Variants in PKHD1 observed in about 807,000 individuals in gnomAD.
PKHD1 encodes the protein PKHD1 ciliary IPT domain containing fibrocystin/polyductin.
In PKHD1, 291 loss-of-function variants were observed where a neutral mutation model predicts 412.0. The ratio of observed to expected loss-of-function variants is 0.71; its 90% confidence interval spans 0.64 to 0.78. PKHD1 has a LOEUF of 0.78. Among genes scored for constraint, PKHD1 ranks in the 30% least tolerant of loss-of-function variants. The probability of loss-of-function intolerance (pLI) is 0.00; values close to 1 mark genes in which losing one functional copy is unlikely to be tolerated. For synonymous variants in PKHD1, 1,777 were observed against 1,821.5 expected (o/e 0.98, Z 0.62); for missense variants, 4,825 against 4,950.7 (o/e 0.97, Z 0.76).
chr6:51,720,125 T>C (rs1400661705), intron 60 of PKHD1, among the ~76,000 whole-genome samples: 2 of 152,180 alleles, frequency 1.3e-5, no homozygotes, highest in East Asian at 1.9e-4. Flanking sequence ...TTCTATCTTG[T>C]GTGAAATATT....
intron 37 of PKHD1, among the ~76,000 whole-genome samples, chr6:51,920,481 TG>T (rs1019183188): frequency 7.2e-5 from 11 of 152,254 alleles, no homozygotes; most frequent in Admixed American, 2.0e-4. Context: ...GAAGCCCACT[TG>T]ATCTTGGTGG....
intron 16 of PKHD1, among the ~76,000 whole-genome samples, chr6:52,057,547 G>A (rs547896477): frequency 6.6e-6 from 1 of 152,128 alleles, no homozygotes; most frequent in African/African-American, 2.4e-5. Context: ...CTCCCAAGTA[G>A]CTGTGATTAC....
chr6:52,047,980 T>C (rs771289937), intron 23 of PKHD1, among the ~76,000 whole-genome samples: 117 of 152,328 alleles, frequency 7.7e-4, no homozygotes, highest in Non-Finnish European at 1.3e-3. Flanking sequence ...ATAGGTACCC[T>C]TATAAGAGAG....
intron 27 of PKHD1, among the ~76,000 whole-genome samples, chr6:52,036,080 C>A (rs1036217841): frequency 1.6e-4 from 24 of 152,120 alleles, no homozygotes; most frequent in Admixed American, 1.3e-3. Flanking sequence ...TCCTAAGAAA[C>A]CAAGTGCAAC....
intron 15 of PKHD1, 24 bp downstream of exon 15, chr6:52,059,904 G>T: frequency 8.7e-7 from 1 of 1,150,912 alleles, no homozygotes; most frequent in South Asian, 1.2e-5. Flanking sequence ...ACAGAGAAAA[G>T]GAAAATGAGA....
In PKHD1 at chr6:51,748,506, A is replaced by G; in HGVS notation, c.9110T>C (p.Leu3037Pro). ...GCCAAACACAATATTGTCATTTAAA[A>G]GTACTCCATGACTGGCAGCTGCATG... is the stretch of plus-strand genomic sequence containing the variant. ...GIHAAASHGV[L>P]LNDNIVFGTA... The change falls in exon 58 of 67, where the codon CTT becomes CCT. Residue 3037 changes from leucine (L) to proline (P), a missense_variant. Coordinates refer to ENST00000371117, the MANE Select transcript of PKHD1 (RefSeq NM_138694.4). 6.2e-7 allele frequency: 1 copy of G among 1,613,988 alleles called. No homozygotes were observed. The highest frequency in any genetic ancestry group is 8.5e-7 in the Non-Finnish European group (1 of 1,179,938).
intron 3 of PKHD1, 56 bp from the exon 4 acceptor site, chr6:52,082,598 G>A (rs1812205278): frequency 6.5e-7 from 1 of 1,546,044 alleles, no homozygotes; most frequent in African/African-American, 1.4e-5. Flanking sequence ...ACACAGGACA[G>A]TGTGAAACTG....
At chr6:51,958,015 A>G (rs983839223) in intron 36 of PKHD1, among the ~76,000 whole-genome samples, 1 of 152,126 alleles carries the variant, frequency 6.6e-6, no homozygotes, top group African/African-American at 2.4e-5. Context: ...AGGCCACTCA[A>G]TAAGCATTCA....
At chr6:51,989,944 GAAGA>G (rs1280359080) in intron 35 of PKHD1, among the ~76,000 whole-genome samples, 15 of 28,236 alleles carry the variant, frequency 5.3e-4, no homozygotes, top group African/African-American at 1.2e-3. Flanking sequence ...AAGAAGGAAG[GAAGA>G]AAGGAAGGAA....
chr6:51,790,333 C>A (rs1793550033), intron 53 of PKHD1, among the ~76,000 whole-genome samples: 1 of 152,100 alleles, frequency 6.6e-6, no homozygotes, highest in Non-Finnish European at 1.5e-5. Context: ...AGTATATAGT[C>A]TACCCATAAC....
At chr6:51,912,059 C>A (rs1000625214) in intron 38 of PKHD1, 103 bp from the exon 39 acceptor site, 1 of 961,664 alleles carries the variant, frequency 1.0e-6, no homozygotes, top group Admixed American at 2.0e-5. Flanking sequence ...GGGATCTATT[C>A]ATGTTTCTTT....
At chr6:52,029,551 T>C (rs1802733529) in intron 29 of PKHD1, among the ~76,000 whole-genome samples, 1 of 152,276 alleles carries the variant, frequency 6.6e-6, no homozygotes, top group African/African-American at 2.4e-5. Context: ...TCAGGAAAGA[T>C]GGAATGGGCA....
intron 53 of PKHD1, among the ~76,000 whole-genome samples, chr6:51,783,801 C>T (rs1283288084): frequency 2.0e-5 from 3 of 152,128 alleles, no homozygotes; most frequent in African/African-American, 7.2e-5. Flanking sequence ...AATGAAAATA[C>T]TTTGAATCCT....
chr6:51,801,832 A>C (rs569979437), intron 52 of PKHD1, among the ~76,000 whole-genome samples: 3 of 152,290 alleles, frequency 2.0e-5, no homozygotes, highest in African/African-American at 7.2e-5. Flanking sequence ...CATAATTCCC[A>C]TAGTAGAATA....
chr6:51,786,727 C>A (rs1007097003), intron 53 of PKHD1, among the ~76,000 whole-genome samples: 1 of 152,136 alleles, frequency 6.6e-6, no homozygotes, highest in Non-Finnish European at 1.5e-5. Flanking sequence ...ATTTGTCACA[C>A]TATTTTATTG....
chr6:52,056,583 TA>T, intron 18 of PKHD1, 114 bp downstream of exon 18: 1 of 864,068 alleles, frequency 1.2e-6, no homozygotes. Flanking sequence ...CCAGGTTTCA[TA>T]TTTTTTTTTT....
chr6:52,066,773 ACCTGTAATC>A, intron 11 of PKHD1, among the ~76,000 whole-genome samples: 1 of 152,138 alleles, frequency 6.6e-6, no homozygotes, highest in East Asian at 1.9e-4. Flanking sequence ...CGTGGTGTGC[ACCTGTAATC>A]CCAGCTGCTT....
In PKHD1 at chr6:51,836,388, G is replaced by A. The variant is rs774416074; in HGVS notation, c.8173+16C>T. ...CTGCCATACTAGACACTTCTACTTC[G>A]TGTGTTAATACTCACCTGAAATAGT... On this transcript the variant is annotated intron_variant, in intron 51 of 66. Coordinates refer to ENST00000371117, the MANE Select transcript of PKHD1 (RefSeq NM_138694.4). The A allele has an allele frequency of 2.9e-5, 45 of 1,555,452 alleles. No homozygotes were observed. The highest frequency in any genetic ancestry group is 2.7e-4 in the Admixed American group (16 of 59,882).
intron 60 of PKHD1, among the ~76,000 whole-genome samples, chr6:51,674,633 T>C (rs1246714877): frequency 6.6e-6 from 1 of 152,212 alleles, no homozygotes; most frequent in Non-Finnish European, 1.5e-5. Flanking sequence ...AAGTTAAATG[T>C]AGTCTAAATA....
Sources: gnomAD v4.1 joint callset for allele counts (sites outside exome capture counted in the v4.1 genomes callset) on GRCh38, gnomAD v4.1.1 for gene constraint, MANE v1.5 for transcripts, NCBI Gene and HGNC (gene_info 2026-07-23, HGNC 2026-07-21) for gene names.